BRIP1: variants seen among roughly 807,000 people sequenced by gnomAD.
BRIP1 encodes BRCA1 interacting DNA helicase 1.
In BRIP1, 88 loss-of-function variants were observed where a neutral mutation model predicts 119.7. The ratio of observed to expected loss-of-function variants is 0.74; its 90% CI spans 0.62 to 0.88. The LOEUF is 0.88. Ranked by LOEUF, BRIP1 falls within the 40% of genes least tolerant of loss-of-function variation. The pLI, the probability that BRIP1 is intolerant of heterozygous loss-of-function variation, is 0.00. For synonymous variants in BRIP1, 443 were observed against 496.5 expected (o/e 0.89, Z 1.43); for missense variants, 1,259 against 1,455.4 (o/e 0.87, Z 2.20).
rs987924025 is a variant in BRIP1 at position 61,824,731 on chromosome 17, C to T, written c.628-15974G>A. Among the ~76,000 whole-genome samples the T allele has an allele frequency of 1.1e-4, 16 of 152,110 alleles. No individual in the cohort carries two copies. Among genetic ancestry groups the T allele is most frequent in the Non-Finnish European group, 4.4e-5 (3 of 68,012 alleles). On this transcript the variant is annotated intron_variant, in intron 6 of 19. Coordinates refer to ENST00000259008, the MANE Select transcript of BRIP1 (RefSeq NM_032043.3). This position sits in a 1 kb window ranked among gnomAD's most constrained non-coding sequence, Gnocchi z 4.3. ...AAAAGCACTGGTGATAAAAAATGGA[C>T]TTCATGAGATAAATTGGACTCATGA...
In BRIP1 at chr17:61,767,901, A is replaced by C. The variant is rs2077394891; in HGVS notation, c.2097+8500T>G. The stretch of plus-strand genomic sequence containing the variant: ...CTCCCACATCTACCAGTAGAAATCT[A>C]TCCACCTTTCTTTAATACCCACTGA... On this transcript the variant is annotated intron_variant, in intron 14 of 19. Coordinates refer to ENST00000259008, the MANE Select transcript of BRIP1 (RefSeq NM_032043.3). This position sits in a 1 kb window ranked among gnomAD's most constrained non-coding sequence, Gnocchi z 5.7. Among the ~76,000 whole-genome samples the C allele has an allele frequency of 6.6e-6, 1 of 152,134 alleles. No individual in the cohort carries two copies. Among genetic ancestry groups the C allele is most frequent in the Admixed American group, 6.6e-5 (1 of 15,264 alleles).
rs886942896 is a variant in BRIP1 at position 61,762,535 on chromosome 17, CAAAT to C, written c.2097+13862_2097+13865del. On this transcript the variant is annotated intron_variant, in intron 14 of 19. Transcript: ENST00000259008. This position sits in a 1 kb window ranked among gnomAD's most constrained non-coding sequence, Gnocchi z 4.3. ...CTCAAACAACTCATTAGCAAGAACA[CAAAT>C]AACTCAATTTAAAAATGGGCAAGGG... Among the ~76,000 whole-genome samples the C allele has an allele frequency of 1.4e-4, 21 of 152,012 alleles. No individual in the cohort carries two copies. Among genetic ancestry groups the C allele is most frequent in the African/African-American group, 5.1e-4 (21 of 41,420 alleles).
chr17:61,783,117 T>C (rs2077648536), intron 11 of BRIP1, among the ~76,000 whole-genome samples: 1 of 152,206 alleles, frequency 6.6e-6, no homozygotes, highest in African/African-American at 2.4e-5. Flanking sequence ...TAGCATTGTT[T>C]ACAATAGGCA....
Position 61,729,328 on chromosome 17 carries a change from C to A in BRIP1, c.2380-13265G>T, listed in dbSNP as rs1261836416. On this transcript the variant is annotated intron_variant, in intron 16 of 19. Coordinates refer to ENST00000259008, the MANE Select transcript of BRIP1 (RefSeq NM_032043.3). The surrounding 1 kb of genome is among the most constrained non-coding windows in gnomAD (Gnocchi z 5.6). ...CAAACAAACAAAAAAGAAAGGAAAT[C>A]ATTTGATTACAGTGAACAGTATTTT... Among the ~76,000 whole-genome samples the A allele has an allele frequency of 2.0e-5, 3 of 151,870 alleles. No individual in the cohort carries two copies. The highest frequency in any genetic ancestry group is 4.4e-5 in the Non-Finnish European group (3 of 67,932).
At chr17:61,784,138 A>G (rs2077664626) in intron 11 of BRIP1, 132 bp downstream of exon 11, 1 of 781,198 alleles carries the variant, frequency 1.3e-6, no homozygotes, top group South Asian at 1.8e-5. Flanking sequence ...GAGCAAATAT[A>G]TAATAATATC....
chr17:61,834,667 A>C lies in BRIP1; in HGVS notation c.627+12434T>G, dbSNP rs191066892. Among the ~76,000 whole-genome samples, 17 of 152,250 alleles carry C rather than the reference A, an allele frequency of 1.1e-4. No individual in the cohort carries two copies. Among genetic ancestry groups the C allele is most frequent in the Non-Finnish European group, 1.6e-4 (11 of 68,010 alleles). ...AGCAAACCTGACACAAACAGACTCA[A>C]AAGGCATTTGTACACTGGGGCTTGT... On this transcript the variant is annotated intron_variant, in intron 6 of 19. Transcript: ENST00000259008. This position sits in a 1 kb window ranked among gnomAD's most constrained non-coding sequence, Gnocchi z 4.4.
intron 10 of BRIP1, among the ~76,000 whole-genome samples, chr17:61,787,643 T>A (rs1193776469): frequency 2.0e-5 from 3 of 151,620 alleles, no homozygotes; most frequent in African/African-American, 7.3e-5. Flanking sequence ...CTTTTTTTTA[T>A]TTTATTTTAT....
chr17:61,737,270 G>A (rs143135826), intron 16 of BRIP1, among the ~76,000 whole-genome samples: 56 of 152,216 alleles, frequency 3.7e-4, no homozygotes, highest in African/African-American at 1.1e-3. Context: ...CAATTGAAAG[G>A]CAGAGATTGG....
chr17:61,712,458 C>T (rs186821845), intron 17 of BRIP1, among the ~76,000 whole-genome samples: 181 of 152,182 alleles, frequency 1.2e-3, no homozygotes, highest in African/African-American at 4.0e-3. Context: ...AGGTGATCCA[C>T]CCGCCTCCAC....
At chr17:61,714,536 T>C (rs1168882962) in intron 17 of BRIP1, among the ~76,000 whole-genome samples, 2 of 152,198 alleles carry the variant, frequency 1.3e-5, no homozygotes, top group African/African-American at 2.4e-5. Flanking sequence ...TGTAGTAGAC[T>C]ATACTATCTA....
In BRIP1 at chr17:61,857,215, CTCA is replaced by C; in HGVS notation, c.219_221del (p.Asp73del). 6.2e-7 allele frequency: 1 copy of C among 1,613,722 alleles called. No individual in the cohort carries two copies. Among genetic ancestry groups the C allele is most frequent in the Non-Finnish European group, 8.5e-7 (1 of 1,179,720 alleles). On this transcript the variant is annotated inframe_deletion, in exon 4 of 20. Transcript: ENST00000259008. This position sits in a 1 kb window ranked among gnomAD's most constrained non-coding sequence, Gnocchi z 5.1. Reference sequence around the variant, plus strand: ...GTACTTCAGCTTTTTCACTTACGCCCTCATCTGCTGGTTTCCCTAAAAATGAAA... The same window carrying C: ...GTACTTCAGCTTTTTCACTTACGCCCTCTGCTGGTTTCCCTAAAAATGAAA...
intron 6 of BRIP1, among the ~76,000 whole-genome samples, chr17:61,818,151 G>T (rs968674811): frequency 7.1e-6 from 1 of 141,100 alleles, no homozygotes; most frequent in Admixed American, 7.6e-5. Context: ...TTGGGAGTTC[G>T]AGACCAGCCT....
rs899328236 is a variant in BRIP1 at position 61,770,195 on chromosome 17, G to T, written c.2097+6206C>A. On this transcript the variant is annotated intron_variant, in intron 14 of 19. Coordinates refer to ENST00000259008, the MANE Select transcript of BRIP1 (RefSeq NM_032043.3). The surrounding 1 kb of genome is among the most constrained non-coding windows in gnomAD (Gnocchi z 4.7). ...CTCAGAAACACTTGTGAAGGTCACA[G>T]GCAAGGGACACAGTCATGCTAAAAG... is the stretch of plus-strand genomic sequence containing the variant. Among the ~76,000 whole-genome samples the T allele has an allele frequency of 7.2e-5, 11 of 152,282 alleles. No individual in the cohort carries two copies. Among genetic ancestry groups the T allele is most frequent in the Non-Finnish European group, 7.4e-5 (5 of 68,012 alleles).
chr17:61,786,263 AATC>A (rs1221640433), intron 10 of BRIP1, among the ~76,000 whole-genome samples: 4 of 151,986 alleles, frequency 2.6e-5, no homozygotes, highest in Admixed American at 2.0e-4. Flanking sequence ...AAAGGAGCTA[AATC>A]ATCATTATAC....
intron 7 of BRIP1, among the ~76,000 whole-genome samples, chr17:61,801,692 A>T (rs1010775791): frequency 2.6e-5 from 4 of 152,214 alleles, no homozygotes; most frequent in African/African-American, 9.6e-5. Context: ...TAGAAGTCCA[A>T]ATCGGAAGAG....
chr17:61,759,469 T>C lies in BRIP1; in HGVS notation c.2098-14878A>G, dbSNP rs2077246163. On this transcript the variant is annotated intron_variant, in intron 14 of 19. Transcript: ENST00000259008. This position sits in a 1 kb window ranked among gnomAD's most constrained non-coding sequence, Gnocchi z 4.9. ...AAAAGAGAGATAGATTCTAATACAATAATAGTAGGAGACATTGATACCCCA... is the reference window on the plus strand; with the variant it reads ...AAAAGAGAGATAGATTCTAATACAACAATAGTAGGAGACATTGATACCCCA... Among the ~76,000 whole-genome samples the C allele has an allele frequency of 6.6e-6, 1 of 152,112 alleles. No homozygotes were observed. The highest frequency in any genetic ancestry group is 1.5e-5 in the Non-Finnish European group (1 of 67,992).
chr17:61,723,703 G>A (rs912616121), intron 16 of BRIP1, among the ~76,000 whole-genome samples: 1 of 152,114 alleles, frequency 6.6e-6, no homozygotes, highest in Admixed American at 6.6e-5. Context: ...TCCCAAAATA[G>A]AAAGCTATAC....
chr17:61,749,881 G>A (rs1202323709), intron 14 of BRIP1, among the ~76,000 whole-genome samples: 1 of 152,098 alleles, frequency 6.6e-6, no homozygotes, highest in Non-Finnish European at 1.5e-5. Flanking sequence ...ATTTTTGTAT[G>A]TTAATTTTGC....
At position 61,754,632 on chromosome 17, in the gene BRIP1, A is replaced by G. The variant is rs896450543; in HGVS notation, c.2098-10041T>C. Among the ~76,000 whole-genome samples, 4 of 152,194 alleles carry G rather than the reference A, an allele frequency of 2.6e-5. No homozygotes were observed. Among genetic ancestry groups the G allele is most frequent in the Non-Finnish European group, 4.4e-5 (3 of 68,038 alleles). On this transcript the variant is annotated intron_variant, in intron 14 of 19. Coordinates refer to ENST00000259008, the MANE Select transcript of BRIP1 (RefSeq NM_032043.3). This position sits in a 1 kb window ranked among gnomAD's most constrained non-coding sequence, Gnocchi z 4.1. ...TTTCTTACAGTTATTAGTTTAAGCC[A>G]CAGATTGAGTGGCTTAAACAAGAGA...
Sources: allele counts gnomAD v4.1 joint callset (sites outside exome capture counted in the v4.1 genomes callset), GRCh38; gene constraint gnomAD v4.1.1; non-coding constraint Gnocchi (gnomAD v3.1); transcripts MANE v1.5; gene names NCBI Gene and HGNC (gene_info 2026-07-23, HGNC 2026-07-21).